The following CCDC7 variants were observed in gnomAD, a reference collection of about 807,000 sequenced individuals.
CCDC7 encodes coiled-coil domain-containing protein 7.
A neutral mutation model predicts 196.9 loss-of-function variants in CCDC7; 183 were observed. The ratio of observed to expected loss-of-function variants is 0.93; its 90% CI spans 0.82 to 1.05. The LOEUF is 1.05. Ranked by LOEUF, CCDC7 falls within the 50% of genes least tolerant of loss-of-function variation. The pLI, the probability that CCDC7 is intolerant of heterozygous loss-of-function variation, is 0.00. For missense variants in CCDC7, 1,540 were observed against 1,482.2 expected (o/e 1.04, Z -0.64); for synonymous variants, 525 against 484.6 (o/e 1.08, Z -1.10).
intron 24 of CCDC7, among the ~76,000 whole-genome samples, chr10:32,703,736 A>G (rs1048717092): frequency 1.3e-5 from 2 of 151,670 alleles, no homozygotes; most frequent in African/African-American, 4.8e-5. Flanking sequence ...TTTTCTCTAA[A>G]CTTCTCTTCT....
In CCDC7 at chr10:32,693,723, T is replaced by A. The variant is rs567585554; in HGVS notation, c.2345-1156T>A. Among the ~76,000 whole-genome samples, 3 of 152,300 alleles carry A rather than the reference T, an allele frequency of 2.0e-5. No homozygotes were observed. In the East Asian group the frequency reaches 5.8e-4, roughly 29 times the overall value. On this transcript the variant is annotated intron_variant, in intron 23 of 41. Coordinates refer to ENST00000639629, the Ensembl canonical transcript of CCDC7. Reference sequence around the variant, plus strand: ...TTAGCACATTCTCCCTGTGTCTGCATGAATTTTCTCCAGGTGCTCCAATTT... The same window carrying A: ...TTAGCACATTCTCCCTGTGTCTGCAAGAATTTTCTCCAGGTGCTCCAATTT...
At chr10:32,485,240 G>A (rs1367823225) in intron 8 of CCDC7, among the ~76,000 whole-genome samples, 1 of 152,040 alleles carries the variant, frequency 6.6e-6, no homozygotes, top group African/African-American at 2.4e-5. Flanking sequence ...GGTGTGTCGA[G>A]GAATTTATCC....
intron 9 of CCDC7, chr10:32,512,184 TTTTTG>T (rs2046325245): frequency 1.8e-5 from 3 of 166,148 alleles, no homozygotes; most frequent in Non-Finnish European, 3.9e-5. Flanking sequence ...ATATGATTCC[TTTTTG>T]GTGAACAGAA....
At chr10:32,719,007 G>GAAAAAGTCTGGAAAAGAAATTGGA (rs1249369789) in intron 25 of CCDC7, among the ~76,000 whole-genome samples, 1 of 152,074 alleles carries the variant, frequency 6.6e-6, no homozygotes, top group African/African-American at 2.4e-5. Flanking sequence ...TTTCTTCACA[G>GAAAAAGTCTGGAAAAGAAATTGGA]AATTGGAAAA....
intron 31 of CCDC7, among the ~76,000 whole-genome samples, chr10:32,818,608 T>C (rs1400407949): frequency 1.6e-4 from 24 of 152,150 alleles, no homozygotes; most frequent in Non-Finnish European, 7.3e-5. Context: ...CCTCAGCAAA[T>C]GTAAAAGCAC....
intron 25 of CCDC7, among the ~76,000 whole-genome samples, chr10:32,714,586 G>C (rs1185734737): frequency 6.6e-6 from 1 of 152,170 alleles, no homozygotes; most frequent in East Asian, 1.9e-4. Context: ...CTGAAGCCAG[G>C]GAGCTGAGTG....
chr10:32,814,147 G>A (rs541081449), intron 30 of CCDC7, among the ~76,000 whole-genome samples: 3 of 151,948 alleles, frequency 2.0e-5, no homozygotes, highest in East Asian at 2.0e-4. Flanking sequence ...TAGTAGAGAC[G>A]GGGTTTCACC....
chr10:32,500,542 A>G (rs2043811865), intron 9 of CCDC7, among the ~76,000 whole-genome samples: 1 of 149,644 alleles, frequency 6.7e-6, no homozygotes, highest in African/African-American at 2.5e-5. Context: ...GGCTAGGAAG[A>G]GGTGCTCCTC....
intron 21 of CCDC7, among the ~76,000 whole-genome samples, chr10:32,673,988 T>C (rs2074500789): frequency 6.6e-6 from 1 of 152,000 alleles, no homozygotes; most frequent in Non-Finnish European, 1.5e-5. Context: ...TTTATTTATT[T>C]GAGTCTTCTC....
intron 28 of CCDC7, among the ~76,000 whole-genome samples, chr10:32,729,960 A>G (rs1019406388): frequency 1.2e-4 from 19 of 152,066 alleles, no homozygotes; most frequent in African/African-American, 4.3e-4. Context: ...TGTCTATCGT[A>G]AGAAACTTAC....
intron 32 of CCDC7, among the ~76,000 whole-genome samples, chr10:32,831,539 CA>C (rs778909394): frequency 3.5e-4 from 53 of 152,142 alleles, no homozygotes; most frequent in East Asian, 9.6e-4. Flanking sequence ...TACAGTTGTA[CA>C]AAAATATTTT....
chr10:32,563,892 A>G (rs934553394), intron 13 of CCDC7, among the ~76,000 whole-genome samples: 1 of 151,986 alleles, frequency 6.6e-6, no homozygotes, highest in Non-Finnish European at 1.5e-5. Context: ...AATTTTCGCA[A>G]CCTACTTATC....
chr10:32,641,881 T>C (rs1173400887), intron 20 of CCDC7, among the ~76,000 whole-genome samples: 3 of 152,232 alleles, frequency 2.0e-5, no homozygotes, highest in Non-Finnish European at 2.9e-5. Flanking sequence ...GTCAGGACCC[T>C]CAGCTGCAGG....
At chr10:32,565,725 T>C in intron 14 of CCDC7, 105 bp downstream of exon 15, 2 of 1,224,796 alleles carry the variant, frequency 1.6e-6, no homozygotes, top group South Asian at 3.6e-5. Flanking sequence ...GAGGTCTACA[T>C]ATTCTACTAT....
intron 29 of CCDC7, among the ~76,000 whole-genome samples, chr10:32,796,820 A>C (rs1444520610): frequency 6.6e-6 from 1 of 152,234 alleles, no homozygotes; most frequent in African/African-American, 2.4e-5. Flanking sequence ...TGGATGACCC[A>C]AATTTATAAG....
At chr10:32,634,321 A>G in exon 19 of CCDC7, 1 of 1,211,932 alleles carries the variant, frequency 8.3e-7, no homozygotes, top group South Asian at 4.2e-5. Context: ...AAGTCCAAAT[A>G]GAACAAATGA....
At chr10:32,833,683 G>A (rs1008337834) in intron 32 of CCDC7, among the ~76,000 whole-genome samples, 16 of 152,114 alleles carry the variant, frequency 1.1e-4, no homozygotes, top group Admixed American at 3.9e-4. Context: ...TCATTTTCAC[G>A]AAATATTTTA....
At chr10:32,753,815 A>C (rs1472324179) in intron 28 of CCDC7, among the ~76,000 whole-genome samples, 1 of 152,170 alleles carries the variant, frequency 6.6e-6, no homozygotes, top group Non-Finnish European at 1.5e-5. Context: ...TTTAAGTGAC[A>C]AGAAATGTTG....
upstream of CCDC7, among the ~76,000 whole-genome samples, chr10:32,446,968 TCCC>T (rs1310374799): frequency 2.0e-5 from 2 of 97,632 alleles, no homozygotes; most frequent in African/African-American, 9.2e-5. Context: ...CCTCCCTCCC[TCCC>T]TCCCTCACAC....
Sources: allele counts gnomAD v4.1 joint callset (sites outside exome capture counted in the v4.1 genomes callset), GRCh38; gene constraint gnomAD v4.1.1; transcripts MANE v1.5; gene names NCBI Gene and HGNC (gene_info 2026-07-23, HGNC 2026-07-21).